DENND1A: variants seen among roughly 807,000 people sequenced by gnomAD.
DENND1A encodes DENN domain-containing protein 1A.
Under a neutral mutation model 113.7 loss-of-function variants are expected in DENND1A, and 51 were observed. That is an observed-to-expected ratio of 0.45 (90% CI 0.36 to 0.57). The LOEUF (loss-of-function observed/expected upper bound fraction) is 0.57, where lower values mean the gene tolerates loss of function less well. Among genes scored for constraint, DENND1A ranks in the 20% least tolerant of loss-of-function variants. The pLI, the probability that DENND1A is intolerant of heterozygous loss-of-function variation, is 0.00. For missense variants in DENND1A, 1,258 were observed against 1,395.9 expected (o/e 0.90, Z 1.57); for synonymous variants, 565 against 570.8 (o/e 0.99, Z 0.14).
chr9:123,388,895 G>A (rs1199411637), intron 21 of DENND1A, among the ~76,000 whole-genome samples: 1 of 152,194 alleles, frequency 6.6e-6, no homozygotes, highest in South Asian at 2.1e-4. Context: ...GACCCGGGGT[G>A]TTCCACACCC....
intron 2 of DENND1A, among the ~76,000 whole-genome samples, chr9:123,825,446 T>G (rs917695342): frequency 1.3e-5 from 2 of 152,066 alleles, no homozygotes; most frequent in Admixed American, 1.3e-4. Context: ...AACAGAAAAT[T>G]TTCAAATGAA....
intron 13 of DENND1A, among the ~76,000 whole-genome samples, chr9:123,531,552 TCTACACACAC>T (rs1380739498): frequency 0.014 from 1,828 of 133,858 alleles, 52 homozygotes; most frequent in African/African-American, 0.042. Flanking sequence ...CCCCTCTCTC[TCTACACACAC>T]ACACACACAC....
At chr9:123,414,330 G>T (rs910820990) in intron 19 of DENND1A, 4 of 1,411,222 alleles carry the variant, frequency 2.8e-6, no homozygotes, top group Non-Finnish European at 3.7e-6. Flanking sequence ...CCATCAGCAG[G>T]TTTCCCTGCC....
At chr9:123,805,493 G>A (rs985533639) in intron 2 of DENND1A, among the ~76,000 whole-genome samples, 6 of 151,436 alleles carry the variant, frequency 4.0e-5, no homozygotes, top group African/African-American at 7.3e-5. Flanking sequence ...GACTGTAATG[G>A]CATGATCTCA....
rs182323331 is a variant in DENND1A, at chr9:123,859,559, T to C, written c.88+19392A>G. 3.9e-4 allele frequency among the ~76,000 whole-genome samples: 60 copies of C among 152,110 alleles called. 1 individual carries two copies. Among genetic ancestry groups the C allele is most frequent in the Non-Finnish European group, 5.3e-4 (36 of 68,000 alleles). On this transcript the variant is annotated intron_variant, in intron 2 of 23. Transcript: ENST00000394215. ...GTTTTCTGACTCCATGCACCACTCATTCATTTATTCATCCATCCATCCAAA... is the reference window on the plus strand; with the variant it reads ...GTTTTCTGACTCCATGCACCACTCACTCATTTATTCATCCATCCATCCAAA...
chr9:123,573,784 G>A (rs189581151), intron 12 of DENND1A, among the ~76,000 whole-genome samples: 10 of 151,580 alleles, frequency 6.6e-5, no homozygotes, highest in African/African-American at 2.4e-4. Context: ...GTGAACTGGT[G>A]GGAACCTCCA....
At position 123,382,283 on chromosome 9, in the gene DENND1A, C is replaced by A; in HGVS notation, c.2362G>T (p.Ala788Ser). The change falls in exon 24 of 24, where the codon GCC (alanine) becomes TCC (serine). Residue 788 changes from alanine to serine, a missense_variant. Transcript: ENST00000394215. ...GAGACGTCACCAAGTGCGGCGCCGGCAGCCTGGAGCTTGGCCGGGCGGGGA... is the reference window on the plus strand; with the variant it reads ...GAGACGTCACCAAGTGCGGCGCCGGAAGCCTGGAGCTTGGCCGGGCGGGGA... ...PIPRPAKLQA[A>S]GAALGDVSER... The A allele has an allele frequency of 6.2e-7, 1 of 1,610,972 alleles. No homozygotes were observed. Among genetic ancestry groups the A allele is most frequent in the Non-Finnish European group, 8.5e-7 (1 of 1,179,624 alleles).
chr9:123,708,847 T>TCTAACC lies in DENND1A; in HGVS notation c.303-32064_303-32059dup, dbSNP rs1471366878. Among the ~76,000 whole-genome samples, 4 of 152,360 alleles carry TCTAACC rather than the reference T, an allele frequency of 2.6e-5. No homozygotes were observed. In the East Asian group the frequency reaches 7.7e-4, roughly 29 times the overall value. ...ACTTGAATTTTGCTTTTAACTGAATTCTAACCTCTTAAGAAAACACCACTT... is the reference window on the plus strand; with the variant it reads ...ACTTGAATTTTGCTTTTAACTGAATTCTAACCCTAACCTCTTAAGAAAACACCACTT... On this transcript the variant is annotated intron_variant, in intron 5 of 23. Coordinates refer to ENST00000394215, the MANE Select transcript of DENND1A (RefSeq NM_001352964.2).
rs1353836912 is a variant in DENND1A, at chr9:123,677,672, T to G, written c.303-883A>C. On this transcript the variant is annotated intron_variant, in intron 5 of 23. Transcript: ENST00000394215. ...TGGTCTCGAACTCCTGAACTCAGGTTATCTGCCTGCCTCGGCCTCCCAAAC... is the reference window on the plus strand; with the variant it reads ...TGGTCTCGAACTCCTGAACTCAGGTGATCTGCCTGCCTCGGCCTCCCAAAC... Among the ~76,000 whole-genome samples the G allele has an allele frequency of 3.3e-5, 5 of 152,288 alleles. No homozygotes were observed. In the East Asian group the frequency reaches 9.6e-4, roughly 29 times the overall value.
chr9:123,497,082 G>A (rs1325614404), intron 13 of DENND1A, among the ~76,000 whole-genome samples: 3 of 152,162 alleles, frequency 2.0e-5, no homozygotes, highest in Non-Finnish European at 4.4e-5. Context: ...ATGAACCCAG[G>A]CATCCCTGTT....
chr9:123,670,190 A>G (rs1235089540), intron 7 of DENND1A, among the ~76,000 whole-genome samples: 1 of 152,210 alleles, frequency 6.6e-6, no homozygotes, highest in African/African-American at 2.4e-5. Context: ...TACAAGGAAT[A>G]TCAATTTTCT....
rs780444178 is a variant in DENND1A at position 123,381,559 on chromosome 9, TGAG to T, written c.3083_3085del (p.Pro1028del). The T allele has an allele frequency of 1.5e-5, 25 of 1,613,448 alleles. No individual in the cohort carries two copies. In the South Asian group the frequency reaches 1.8e-4, roughly 11 times the overall value. On this transcript the variant is annotated inframe_deletion, in exon 24 of 24. Transcript: ENST00000394215. This position sits in a 1 kb window ranked among gnomAD's most constrained non-coding sequence, Gnocchi z 4.7. ...ATCCTCAAAGGGGTCTCTGGCCTGT[TGAG>T]GAGCAGAGGGCTGCAGTGTTGGCTC...
At chr9:123,545,373 A>T (rs1248341608) in intron 13 of DENND1A, among the ~76,000 whole-genome samples, 1 of 152,158 alleles carries the variant, frequency 6.6e-6, no homozygotes, top group East Asian at 1.9e-4. Flanking sequence ...TGTATCCTCT[A>T]ATCATCACAG....
intron 18 of DENND1A, among the ~76,000 whole-genome samples, chr9:123,441,865 C>T (rs2046955114): frequency 6.6e-6 from 1 of 152,208 alleles, no homozygotes; most frequent in Non-Finnish European, 1.5e-5. Context: ...AAATTCTGCA[C>T]ATGAGAAACT....
chr9:123,658,712 T>G (rs2063087561), intron 8 of DENND1A, among the ~76,000 whole-genome samples: 1 of 152,248 alleles, frequency 6.6e-6, no homozygotes, highest in African/African-American at 2.4e-5. Flanking sequence ...CATTCATTCA[T>G]TCAGTCATTC....
At chr9:123,727,352 G>A (rs1325575736) in intron 5 of DENND1A, among the ~76,000 whole-genome samples, 1 of 152,128 alleles carries the variant, frequency 6.6e-6, no homozygotes. Context: ...TGAAGTAAAA[G>A]AAATTAAATG....
At chr9:123,383,136 T>C (rs1170104617) in intron 23 of DENND1A, among the ~76,000 whole-genome samples, 1 of 152,174 alleles carries the variant, frequency 6.6e-6, no homozygotes, top group African/African-American at 2.4e-5. Context: ...TGACTGGAGC[T>C]CTGTGAACCC....
At chr9:123,681,413 G>C (rs2064447181) in intron 5 of DENND1A, among the ~76,000 whole-genome samples, 2 of 152,050 alleles carry the variant, frequency 1.3e-5, no homozygotes, top group Non-Finnish European at 2.9e-5. Flanking sequence ...CTCTGCCTAA[G>C]GTGCCACAGT....
intron 2 of DENND1A, among the ~76,000 whole-genome samples, chr9:123,846,561 C>T (rs977710593): frequency 2.0e-5 from 3 of 152,040 alleles, no homozygotes; most frequent in African/African-American, 7.2e-5. Flanking sequence ...ATGAATAAAG[C>T]TTGAAAACAT....
Sources: allele counts gnomAD v4.1 joint callset (sites outside exome capture counted in the v4.1 genomes callset), GRCh38; gene constraint gnomAD v4.1.1; non-coding constraint Gnocchi (gnomAD v3.1); transcripts MANE v1.5; gene names NCBI Gene and HGNC (gene_info 2026-07-23, HGNC 2026-07-21).